Variants in CA10 observed in about 807,000 individuals in gnomAD.
The protein encoded by CA10 is carbonic anhydrase 10 (inactive).
In CA10, 14 loss-of-function variants were observed where a neutral mutation model predicts 44.2. The ratio of observed to expected loss-of-function variants is 0.32; its 90% CI spans 0.21 to 0.50. The LOEUF is 0.50. CA10 is among the 20% of genes least tolerant of loss of function. CA10 has a pLI of 0.99. For synonymous variants in CA10, 159 were observed against 141.6 expected (o/e 1.12, Z -0.87); for missense variants, 350 against 409.7 (o/e 0.85, Z 1.26).
chr17:52,024,935 G>A (rs1986252754), intron 2 of CA10, among the ~76,000 whole-genome samples: 2 of 151,562 alleles, frequency 1.3e-5, no homozygotes, highest in Non-Finnish European at 1.5e-5. Flanking sequence ...TGAAGAAAGA[G>A]GATATCATAT....
At chr17:51,784,707 G>A (rs987820453) in intron 3 of CA10, among the ~76,000 whole-genome samples, 1 of 152,230 alleles carries the variant, frequency 6.6e-6, no homozygotes, top group Non-Finnish European at 1.5e-5. Flanking sequence ...TTACAGGCAT[G>A]CAATGCATAA....
At chr17:51,842,180 A>T (rs1978326527) in intron 3 of CA10, among the ~76,000 whole-genome samples, 1 of 152,238 alleles carries the variant, frequency 6.6e-6, no homozygotes, top group Non-Finnish European at 1.5e-5. Context: ...GAAGAAGAGA[A>T]GGTCAGATTT....
At chr17:52,025,664 C>T (rs929087432) in intron 2 of CA10, among the ~76,000 whole-genome samples, 3 of 151,408 alleles carry the variant, frequency 2.0e-5, no homozygotes, top group African/African-American at 4.8e-5. Flanking sequence ...AATCAGGACA[C>T]TGCCATTTCT....
chr17:52,085,759 T>C (rs1315525806), intron 1 of CA10, among the ~76,000 whole-genome samples: 1 of 152,234 alleles, frequency 6.6e-6, no homozygotes. Context: ...TGGACTGAAG[T>C]AAATTTAGAC....
At chr17:51,683,851 C>T (rs1478842523) in intron 4 of CA10, among the ~76,000 whole-genome samples, 1 of 152,176 alleles carries the variant, frequency 6.6e-6, no homozygotes, top group Non-Finnish European at 1.5e-5. Flanking sequence ...AGGACCACCA[C>T]TCTAGGAAGG....
chr17:52,099,439 T>C (rs865843342), intron 1 of CA10, among the ~76,000 whole-genome samples: 2 of 152,226 alleles, frequency 1.3e-5, no homozygotes, highest in Non-Finnish European at 2.9e-5. Context: ...AGGCTCCAGA[T>C]AGAATTACTG....
At chr17:51,846,534 T>A (rs1440921686) in intron 3 of CA10, among the ~76,000 whole-genome samples, 1 of 152,226 alleles carries the variant, frequency 6.6e-6, no homozygotes, top group Non-Finnish European at 1.5e-5. Flanking sequence ...ATTATCCTCA[T>A]TTCACAAGTG....
At chr17:51,840,305 T>C (rs776250368) in intron 3 of CA10, among the ~76,000 whole-genome samples, 2 of 152,224 alleles carry the variant, frequency 1.3e-5, no homozygotes, top group African/African-American at 2.4e-5. Flanking sequence ...CTGTTTTTAC[T>C]GAGTTTGTTG....
chr17:51,844,905 T>G (rs1773338115), intron 3 of CA10, among the ~76,000 whole-genome samples: 1 of 152,176 alleles, frequency 6.6e-6, no homozygotes. Context: ...ATAGGGTCTT[T>G]GCAGATATAA....
In CA10 at chr17:52,157,853, G is replaced by GCA. The variant is rs2143432466; in HGVS notation, c.-69_-68dup. 8.0e-7 allele frequency: 1 copy of GCA among 1,249,436 alleles called. No individual in the cohort carries two copies. Among genetic ancestry groups the GCA allele is most frequent in the Non-Finnish European group, 1.2e-6 (1 of 847,438 alleles). The allele number at this position is 1,249,436 out of a possible 1,614,324, so 77.4% of individuals were successfully genotyped here. On this transcript the variant is annotated 5_prime_UTR_variant, in exon 1 of 9. An upstream open reading frame in the 5' UTR loses its in-frame stop. Coordinates refer to ENST00000451037, the MANE Select transcript of CA10 (RefSeq NM_020178.5). ...GGGGGGAAGGGGGGAGCCCGACACG[G>GCA]CACACACACATACACACTCGCACAC...
intron 2 of CA10, among the ~76,000 whole-genome samples, chr17:52,023,929 T>G (rs1041654678): frequency 6.6e-6 from 1 of 152,194 alleles, no homozygotes; most frequent in Non-Finnish European, 1.5e-5. Context: ...ACAGTTTTAC[T>G]ATGTTTTACC....
At chr17:51,866,619 A>G (rs1243776387) in intron 3 of CA10, among the ~76,000 whole-genome samples, 2 of 152,164 alleles carry the variant, frequency 1.3e-5, no homozygotes, top group African/African-American at 4.8e-5. Context: ...ACCTTCATTG[A>G]ACTAACACTC....
chr17:52,140,206 T>C lies in CA10; in HGVS notation c.61+17520A>G, dbSNP rs1041329179. On this transcript the variant is annotated intron_variant, in intron 1 of 8. Coordinates refer to ENST00000451037, the MANE Select transcript of CA10 (RefSeq NM_020178.5). ...TTTTTACCCCAAACTCATCAAACCA[T>C]ATAATTAAAATGAGTGCATTTTATG... is the stretch of plus-strand genomic sequence containing the variant. Among the ~76,000 whole-genome samples the C allele has an allele frequency of 5.3e-5, 8 of 152,330 alleles. No individual in the cohort carries two copies. In the East Asian group the frequency reaches 1.4e-3, roughly 26 times the overall value.
intron 3 of CA10, among the ~76,000 whole-genome samples, chr17:51,868,558 C>G (rs1310247153): frequency 6.6e-6 from 1 of 152,192 alleles, no homozygotes; most frequent in Non-Finnish European, 1.5e-5. Context: ...TGATATGTCT[C>G]CTGATCTTCT....
chr17:51,800,913 G>A (rs955689199), intron 3 of CA10, among the ~76,000 whole-genome samples: 1 of 152,064 alleles, frequency 6.6e-6, no homozygotes, highest in Non-Finnish European at 1.5e-5. Context: ...TCGGCAGGTG[G>A]GCCCAGAAGA....
At chr17:52,103,972 A>G (rs1988599065) in intron 1 of CA10, among the ~76,000 whole-genome samples, 2 of 152,086 alleles carry the variant, frequency 1.3e-5, no homozygotes, top group South Asian at 4.2e-4. Flanking sequence ...GCTCTGCAGA[A>G]CCTAAAGTTC....
intron 4 of CA10, among the ~76,000 whole-genome samples, chr17:51,681,217 T>C (rs1046087606): frequency 6.6e-6 from 1 of 152,202 alleles, no homozygotes; most frequent in African/African-American, 2.4e-5. Context: ...GGTATGGTAA[T>C]AGATTGTTTT....
intron 3 of CA10, among the ~76,000 whole-genome samples, chr17:51,812,757 C>A (rs191526309): frequency 1.3e-5 from 2 of 152,300 alleles, no homozygotes; most frequent in South Asian, 2.1e-4. Context: ...GTAATGCTGT[C>A]CTGAGTCCCA....
intron 2 of CA10, among the ~76,000 whole-genome samples, chr17:51,977,733 G>T (rs1299717010): frequency 8.6e-5 from 13 of 152,018 alleles, no homozygotes; most frequent in Non-Finnish European, 1.9e-4. Context: ...TTGTAAAGAG[G>T]TAAAGCCATT....
Sources: allele counts gnomAD v4.1 joint callset (sites outside exome capture counted in the v4.1 genomes callset), GRCh38; gene constraint gnomAD v4.1.1; transcripts MANE v1.5; gene names NCBI Gene and HGNC (gene_info 2026-07-23, HGNC 2026-07-21).